The following NBPF15 variants were observed in gnomAD, a reference collection of about 807,000 sequenced individuals.
NBPF15 encodes NBPF member 15.
A neutral mutation model predicts 62.2 loss-of-function variants in NBPF15; 74 were observed. The observed-to-expected ratio is 1.19, with a 90% confidence interval of 0.99 to 1.44. NBPF15 has a LOEUF of 1.44. Among genes scored for constraint, NBPF15 ranks in the 40% most tolerant of loss-of-function variants. NBPF15 has a pLI of 0.00. For synonymous variants in NBPF15, 244 were observed against 209.7 expected (o/e 1.16, Z -1.41); for missense variants, 790 against 550.0 (o/e 1.44, Z -4.36).
At position 144,434,034 on chromosome 1, in the gene NBPF15, G is replaced by A. The variant is rs1676382877; in HGVS notation, c.773-210C>T. On this transcript the variant is annotated intron_variant, in intron 12 of 21. Coordinates refer to ENST00000581897, the MANE Select transcript of NBPF15 (RefSeq NM_001385408.1). Reference sequence around the variant, plus strand: ...CCCACAGGCCAAAATCTCCCTCTACGTGTAGACCATAATGACATATTCCCT... The same window carrying A: ...CCCACAGGCCAAAATCTCCCTCTACATGTAGACCATAATGACATATTCCCT... Among the ~76,000 whole-genome samples, 3 of 144,962 alleles carry A rather than the reference G, an allele frequency of 2.1e-5. 1 individual carries two copies. Among genetic ancestry groups the A allele is most frequent in the Admixed American group, 6.7e-5 (1 of 14,984 alleles).
intron 4 of NBPF15, among the ~76,000 whole-genome samples, chr1:144,451,107 G>A (rs1481058788): frequency 6.6e-6 from 1 of 152,004 alleles, no homozygotes; most frequent in African/African-American, 2.4e-5. Flanking sequence ...AGAGGGGGAT[G>A]TGGCAGGACA....
Position 144,423,211 on chromosome 1 carries a change from C to T in NBPF15, c.1815G>A (p.Gln605=). The T allele has an allele frequency of 1.9e-6, 3 of 1,611,530 alleles. No individual in the cohort carries two copies. The highest frequency in any genetic ancestry group is 4.5e-5 in the East Asian group (2 of 44,864). The change falls in exon 22 of 22, where the codon CAG becomes CAA. Residue 605 remains glutamine, a synonymous_variant. Coordinates refer to ENST00000581897, the MANE Select transcript of NBPF15 (RefSeq NM_001385408.1). ...LMEVEEPEVL[Q]DSLDRCYSTP... is the part of the protein sequence containing the mutation. ...TCGAATAACATCTATCCAGTGAGTCCTGTAAGACTTCAGGCTCTTCCACTT... is the reference window on the plus strand; with the variant it reads ...TCGAATAACATCTATCCAGTGAGTCTTGTAAGACTTCAGGCTCTTCCACTT...
Position 144,422,870 on chromosome 1 carries a change from T to C in NBPF15, c.*143A>G. ...GATTGAGCACAGGTTGCCAATGGCA[T>C]GGTTTGAGAATAGGAATAGAGCCAT... On this transcript the variant is annotated 3_prime_UTR_variant, in exon 22 of 22. Coordinates refer to ENST00000581897, the MANE Select transcript of NBPF15 (RefSeq NM_001385408.1). 1.9e-6 allele frequency: 3 copies of C among 1,579,382 alleles called. No individual in the cohort carries two copies. Among genetic ancestry groups the C allele is most frequent in the African/African-American group, 1.4e-5 (1 of 73,926 alleles).
intron 14 of NBPF15, among the ~76,000 whole-genome samples, chr1:144,429,280 A>G (rs2101802728): frequency 6.7e-6 from 1 of 149,172 alleles, no homozygotes; most frequent in South Asian, 2.1e-4. Context: ...GACAAGGGTG[A>G]CACTGGCCTT....
rs1213363391 is a variant in NBPF15, at chr1:144,436,933, C to T, written c.455G>A (p.Cys152Tyr). Residue 152 changes from cysteine to tyrosine, a missense_variant, in exon 10 of 22, where the codon TGT (cysteine) becomes TAT (tyrosine). Physicochemically the swap from Cys to Tyr is radical, Grantham distance 194 (BLOSUM62 -2). Coordinates refer to ENST00000581897, the MANE Select transcript of NBPF15 (RefSeq NM_001385408.1). ...QDLQEQLAEGCRLTQHLVQKL... is the reference protein window; with the variant it reads ...QDLQEQLAEGYRLTQHLVQKL... ...TTGGACAAGGTGCTGTGTCAGTCTACACCCCTCAGCCAGCTGTTCTTGGAG... is the reference window on the plus strand; with the variant it reads ...TTGGACAAGGTGCTGTGTCAGTCTATACCCCTCAGCCAGCTGTTCTTGGAG... The T allele has an allele frequency of 3.7e-6, 6 of 1,612,102 alleles. No individual in the cohort carries two copies. The South Asian group carries it at 5.5e-5, about 15-fold the overall frequency.
rs143319883 is a variant in NBPF15 at position 144,423,099 on chromosome 1, C to T, written c.1927G>A (p.Ala643Thr). ...YSFEEEHISF[A>T]LYVDNRFFTL... is the part of the protein sequence containing the mutation. ...AAAAACCTATTGTCCACGTAAAGGG[C>T]GAAGCTGATATGCTCTTCCTCAAAT... The change falls in exon 22 of 22, where the codon GCC (alanine) becomes ACC (threonine). Residue 643 changes from alanine to threonine, a missense_variant. Ala to Thr is a moderately conservative substitution (Grantham distance 58). Coordinates refer to ENST00000581897, the MANE Select transcript of NBPF15 (RefSeq NM_001385408.1). 217 of 1,611,606 alleles carry T rather than the reference C, an allele frequency of 1.3e-4. 2 individuals carry two copies. The highest frequency in any genetic ancestry group is 6.0e-4 in the Admixed American group (36 of 59,994).
At chr1:144,455,011 G>T (rs1484914874) in intron 4 of NBPF15, among the ~76,000 whole-genome samples, 11 of 149,562 alleles carry the variant, frequency 7.4e-5, no homozygotes, top group African/African-American at 2.7e-4. Context: ...AAAAAGGAAA[G>T]AAAAAGAGAG....
chr1:144,439,942 T>A lies in NBPF15; in HGVS notation c.62A>T (p.Asn21Ile), dbSNP rs1272951499. ...EKAEMNILEI[N>I]EKLRPQLAEK... The stretch of plus-strand genomic sequence containing the variant: ...TGCCAACTGGGGGCGCAATTTCTCA[T>A]TGATTTCTAGAATGTTCATCTCTGC... Residue 21 changes from asparagine to isoleucine, a missense_variant, in exon 8 of 22, where the codon AAT becomes ATT. Physicochemically the swap from Asn to Ile is moderately radical, Grantham distance 149. Coordinates refer to ENST00000581897, the MANE Select transcript of NBPF15 (RefSeq NM_001385408.1). 6 of 1,611,188 alleles carry A rather than the reference T, an allele frequency of 3.7e-6. No homozygotes were observed. In the African/African-American group the frequency reaches 8.0e-5, roughly 22 times the overall value.
chr1:144,447,616 G>A (rs1318225827), intron 6 of NBPF15, among the ~76,000 whole-genome samples: 5 of 151,810 alleles, frequency 3.3e-5, no homozygotes. Flanking sequence ...GAAGGAGGAG[G>A]GGATGTTATG....
chr1:144,436,850 C>T, intron 10 of NBPF15, 45 bp downstream of exon 10: 2 of 1,605,314 alleles, frequency 1.2e-6, no homozygotes, highest in Non-Finnish European at 1.7e-6. Flanking sequence ...TGGAGTCTCT[C>T]ATAAGCCTGG....
At position 144,442,171 on chromosome 1, in the gene NBPF15, T is replaced by TTATTA. The variant is rs1408189144; in HGVS notation, c.-190-1877_-190-1876insTAATA. Among the ~76,000 whole-genome samples the TTATTA allele has an allele frequency of 1.8e-3, 211 of 114,238 alleles. 10 individuals are homozygous for TTATTA. Among genetic ancestry groups the TTATTA allele is most frequent in the African/African-American group, 7.1e-3 (197 of 27,906 alleles). The allele number at this position is 114,238 out of a possible 152,430, so 74.9% of individuals were successfully genotyped here. On this transcript the variant is annotated intron_variant, in intron 6 of 21. Coordinates refer to ENST00000581897, the MANE Select transcript of NBPF15 (RefSeq NM_001385408.1). ...TAATATATATACACGTGTATATATA[T>TTATTA]ATATATATAATATATATACACGTGT...
rs1344143045 is a variant in NBPF15, at chr1:144,443,563, C to T, written c.-190-3268G>A. 6.6e-5 allele frequency among the ~76,000 whole-genome samples: 10 copies of T among 151,816 alleles called. 1 individual carries two copies. Among genetic ancestry groups the T allele is most frequent in the African/African-American group, 2.2e-4 (9 of 41,324 alleles). ...AAAATTGAGTCTTCCAATCAATGAACATGATATATATTTATTTAGCCTTCT... is the reference window on the plus strand; with the variant it reads ...AAAATTGAGTCTTCCAATCAATGAATATGATATATATTTATTTAGCCTTCT... On this transcript the variant is annotated intron_variant, in intron 6 of 21. Transcript: ENST00000581897.
chr1:144,439,184 A>T (rs1553542034), intron 8 of NBPF15, among the ~76,000 whole-genome samples: 1 of 151,304 alleles, frequency 6.6e-6, no homozygotes, highest in Non-Finnish European at 1.5e-5. Context: ...GGGTTTCTCC[A>T]TGTTGCCCAG....
intron 5 of NBPF15, among the ~76,000 whole-genome samples, chr1:144,449,555 G>A (rs587720212): frequency 0.027 from 4,146 of 151,884 alleles, 198 homozygotes; most frequent in African/African-American, 0.094. Flanking sequence ...AAAACATTTT[G>A]AGTGCAATAG....
intron 16 of NBPF15, 144 bp downstream of exon 16, chr1:144,427,674 G>C (rs1571110986): frequency 1.6e-6 from 1 of 634,872 alleles, no homozygotes; most frequent in Non-Finnish European, 2.8e-6. Context: ...AGTGGAACTA[G>C]AGTTTCATTC....
At chr1:144,439,024 C>T (rs1680871987) in intron 8 of NBPF15, among the ~76,000 whole-genome samples, 1 of 151,878 alleles carries the variant, frequency 6.6e-6, no homozygotes, top group East Asian at 1.9e-4. Flanking sequence ...TGCCCTGTCG[C>T]CCAGGCTGGA....
intron 4 of NBPF15, among the ~76,000 whole-genome samples, chr1:144,453,509 T>C (rs1692473522): frequency 1.3e-5 from 2 of 151,792 alleles, no homozygotes; most frequent in South Asian, 2.1e-4. Context: ...ACTTCTGTTC[T>C]GTGAAAGACA....
At chr1:144,423,290 G>C in intron 21 of NBPF15, 34 bp from the exon 22 acceptor site, 1 of 1,611,288 alleles carries the variant, frequency 6.2e-7, no homozygotes. Context: ...GAAGCAGCCA[G>C]GGAAAATCAG....
chr1:144,436,905 C>G lies in NBPF15; in HGVS notation c.483G>C (p.Lys161Asn), dbSNP rs1553541357. Residue 161 changes from lysine to asparagine, a missense_variant, in exon 10 of 22, where the codon AAG (lysine) becomes AAC (asparagine). By Grantham distance (94) the Lys-to-Asn change is moderately conservative. Coordinates refer to ENST00000581897, the MANE Select transcript of NBPF15 (RefSeq NM_001385408.1). Reference sequence around the variant, plus strand: ...CTATGGCCACCTTACCTGGGCTGAGCTTTTGGACAAGGTGCTGTGTCAGTC... The same window carrying G: ...CTATGGCCACCTTACCTGGGCTGAGGTTTTGGACAAGGTGCTGTGTCAGTC... ...GCRLTQHLVQ[K>N]LSPENDNDDD... is the part of the protein sequence containing the mutation. 3.7e-6 allele frequency: 6 copies of G among 1,611,958 alleles called. No individual in the cohort carries two copies. The highest frequency in any genetic ancestry group is 4.5e-5 in the East Asian group (2 of 44,864).
Sources: allele counts gnomAD v4.1 joint callset (sites outside exome capture counted in the v4.1 genomes callset), GRCh38; gene constraint gnomAD v4.1.1; transcripts MANE v1.5; gene names NCBI Gene and HGNC (gene_info 2026-07-23, HGNC 2026-07-21).